The following ADCY10 variants were observed in gnomAD, a reference collection of about 807,000 sequenced individuals.
The protein encoded by ADCY10 is adenylate cyclase type 10.
In ADCY10, 156 loss-of-function variants were observed where a neutral mutation model predicts 183.3. That is an observed-to-expected ratio of 0.85 (90% CI 0.75 to 0.97). The LOEUF is 0.97. Ranked by LOEUF, ADCY10 falls within the 50% of genes least tolerant of loss-of-function variation. ADCY10 has a pLI of 0.00. For synonymous variants in ADCY10, 645 were observed against 670.0 expected (o/e 0.96, Z 0.58); for missense variants, 1,745 against 1,934.3 (o/e 0.90, Z 1.84).
chr1:167,880,615 A>T lies in ADCY10; in HGVS notation c.1021-6T>A, dbSNP rs1311964474. 1 of 1,599,294 alleles carries T rather than the reference A, an allele frequency of 6.3e-7. No homozygotes were observed. ...ACACAGAGGAAAGAGCAGCCCTGTG[A>T]GGGAGAGAGACAGCAACCACAGCTG... On this transcript the variant is annotated splice_region_variant and splice_polypyrimidine_tract_variant and intron_variant, in intron 9 of 32. Coordinates refer to ENST00000367851, the MANE Select transcript of ADCY10 (RefSeq NM_018417.6).
Position 167,818,133 on chromosome 1 carries a change from A to G in ADCY10, c.4421T>C (p.Leu1474Pro). 6.2e-7 allele frequency: 1 copy of G among 1,614,214 alleles called. No individual in the cohort carries two copies. The highest frequency in any genetic ancestry group is 1.6e-4 in the Middle Eastern group (1 of 6,062). The change falls in exon 31 of 33, where the codon CTT (leucine) becomes CCT (proline). Residue 1474 changes from leucine (L) to proline (P), a missense_variant. Physicochemically the swap from Leu to Pro is moderately conservative, Grantham distance 98. Transcript: ENST00000367851. ...SRYMEGQVLH[L>P]QKQIKEQSEN... is the part of the protein sequence containing the mutation. ...TGACTGTTCTTTGATTTGTTTTTGA[A>G]GGTGAAGAACTTGCCCCTCCATGTA...
In ADCY10 at chr1:167,880,354, G is replaced by C. The variant is rs1202306774; in HGVS notation, c.1139+137C>G. On this transcript the variant is annotated intron_variant, in intron 10 of 32. Coordinates refer to ENST00000367851, the MANE Select transcript of ADCY10 (RefSeq NM_018417.6). Reference sequence around the variant, plus strand: ...GCATTTCTACATGGCCCGGAGATGCGAAGGAGGAACAACAGTTTGAGACAC... The same window carrying C: ...GCATTTCTACATGGCCCGGAGATGCCAAGGAGGAACAACAGTTTGAGACAC... 4.2e-6 allele frequency: 4 copies of C among 956,730 alleles called. No homozygotes were observed. The South Asian group carries it at 5.3e-5, about 13-fold the overall frequency. The allele number at this position is 956,730 out of a possible 1,614,324, so 59.3% of individuals were successfully genotyped here. A position where few individuals can be genotyped will look rare whatever the true frequency, so the allele number is the denominator to read the frequency against.
chr1:167,899,646 A>G lies in ADCY10; in HGVS notation c.437-18T>C, dbSNP rs776862558. 15 of 1,612,516 alleles carry G rather than the reference A, an allele frequency of 9.3e-6. No homozygotes were observed. The highest frequency in any genetic ancestry group is 1.2e-5 in the Non-Finnish European group (14 of 1,179,312). ...AGCCAGTCCTGGCAAGAAGGCAAGG[A>G]ATAGGTTTGCACAAGAAGTTCTGGA... On this transcript the variant is annotated intron_variant, in intron 5 of 32. Transcript: ENST00000367851.
At chr1:167,880,659 A>G in intron 9 of ADCY10, 50 bp from the exon 10 acceptor site, 1 of 1,405,150 alleles carries the variant, frequency 7.1e-7, no homozygotes, top group Non-Finnish European at 1.0e-6. Flanking sequence ...TGTGCTTTAA[A>G]CTGGACTGGC....
intron 8 of ADCY10, among the ~76,000 whole-genome samples, chr1:167,887,588 T>C (rs1220612330): frequency 1.3e-5 from 2 of 152,020 alleles, no homozygotes; most frequent in Non-Finnish European, 2.9e-5. Flanking sequence ...GAGATATACC[T>C]AATGTAAAAG....
chr1:167,846,517 T>G (rs1558180144), intron 19 of ADCY10, among the ~76,000 whole-genome samples: 1 of 152,212 alleles, frequency 6.6e-6, no homozygotes, highest in Non-Finnish European at 1.5e-5. Context: ...AAGATCTATT[T>G]CATGGTGTTC....
chr1:167,853,591 C>G (rs776885481), intron 18 of ADCY10, among the ~76,000 whole-genome samples: 1 of 152,124 alleles, frequency 6.6e-6, no homozygotes, highest in Non-Finnish European at 1.5e-5. Context: ...TGGCCCCCAC[C>G]CTTTTCCCTG....
At chr1:167,901,602 C>A (rs558276968) in intron 5 of ADCY10, 60 bp downstream of exon 5, 4 of 1,527,690 alleles carry the variant, frequency 2.6e-6, no homozygotes, top group Admixed American at 3.3e-5. Flanking sequence ...GAGAGAGATG[C>A]CCCAGGAGTC....
chr1:167,813,848 T>C (rs1662361191), intron 31 of ADCY10, among the ~76,000 whole-genome samples: 1 of 152,146 alleles, frequency 6.6e-6, no homozygotes. Context: ...AAAAATGTAA[T>C]TCTGTGACAT....
At chr1:167,855,541 A>T (rs995926632) in intron 17 of ADCY10, among the ~76,000 whole-genome samples, 5 of 152,108 alleles carry the variant, frequency 3.3e-5, no homozygotes, top group Non-Finnish European at 7.3e-5. Flanking sequence ...CTTTCCTGTC[A>T]CTTGCCCATA....
chr1:167,821,610 C>CT (rs1437522154), intron 30 of ADCY10, among the ~76,000 whole-genome samples: 1 of 152,222 alleles, frequency 6.6e-6, no homozygotes, highest in Non-Finnish European at 1.5e-5. Context: ...ACGAAGCCCG[C>CT]TTTCGTGAAG....
intron 18 of ADCY10, among the ~76,000 whole-genome samples, chr1:167,851,415 G>C (rs1232706308): frequency 6.6e-6 from 1 of 152,032 alleles, no homozygotes; most frequent in Non-Finnish European, 1.5e-5. Context: ...TCAAACTCCT[G>C]GGCTCAAGCA....
In ADCY10 at chr1:167,900,363, A is replaced by G. The variant is rs1399863690; in HGVS notation, c.437-735T>C. ...ACACTGATGTTTGGACTTACTCTAAAAAAAGGTGCTGGGACCCACCTCACT... is the reference window on the plus strand; with the variant it reads ...ACACTGATGTTTGGACTTACTCTAAGAAAAGGTGCTGGGACCCACCTCACT... On this transcript the variant is annotated intron_variant, in intron 5 of 32. Transcript: ENST00000367851. Among the ~76,000 whole-genome samples the G allele has an allele frequency of 3.3e-5, 5 of 152,178 alleles. No individual in the cohort carries two copies. The East Asian group carries it at 7.7e-4, about 23-fold the overall frequency.
chr1:167,853,199 T>G (rs953888698), intron 18 of ADCY10, among the ~76,000 whole-genome samples: 2 of 152,220 alleles, frequency 1.3e-5, no homozygotes, highest in African/African-American at 4.8e-5. Context: ...ATACACGTCG[T>G]GCTTATAGCT....
chr1:167,811,065 A>C, intron 31 of ADCY10, 152 bp from the exon 32 acceptor site: 1 of 741,122 alleles, frequency 1.3e-6, no homozygotes, highest in Non-Finnish European at 2.2e-6. Context: ...TAGGTATTGG[A>C]GATAAGACAA....
chr1:167,856,353 G>C lies in ADCY10; in HGVS notation c.1983C>G (p.Ile661Met). 1 of 1,614,086 alleles carries C rather than the reference G, an allele frequency of 6.2e-7. No homozygotes were observed. Among genetic ancestry groups the C allele is most frequent in the Non-Finnish European group, 8.5e-7 (1 of 1,179,980 alleles). ...TAATGATGAAGATAGGAAGAGTCCG[G>C]ATAAGCTTCTCCATAAATCTCCAGG... ...STSWRFMEKLIRTLPIFIIMS... is the reference protein window; with the variant it reads ...STSWRFMEKLMRTLPIFIIMS... The change falls in exon 17 of 33, where the codon ATC becomes ATG. Residue 661 changes from isoleucine (I) to methionine (M), a missense_variant. Coordinates refer to ENST00000367851, the MANE Select transcript of ADCY10 (RefSeq NM_018417.6).
intron 8 of ADCY10, among the ~76,000 whole-genome samples, chr1:167,893,640 G>A (rs1055787507): frequency 1.2e-4 from 16 of 138,148 alleles, no homozygotes; most frequent in African/African-American, 4.3e-4. Context: ...AGGTTGCAGT[G>A]AGCCAAGATC....
Position 167,903,836 on chromosome 1 carries a change from A to T in ADCY10, c.253+51T>A, listed in dbSNP as rs368965848. The T allele has an allele frequency of 8.0e-6, 11 of 1,372,100 alleles. No individual in the cohort carries two copies. The African/African-American group carries it at 1.6e-4, about 20-fold the overall frequency. 85.0% of individuals were successfully genotyped at this position (1,372,100 alleles called of 1,614,324 possible). Reference sequence around the variant, plus strand: ...CAGGTTATAATTGACAACTACGGAAAAAACAATGAATTGAAATATTCTCAA... The same window carrying T: ...CAGGTTATAATTGACAACTACGGAATAAACAATGAATTGAAATATTCTCAA... On this transcript the variant is annotated intron_variant, in intron 3 of 32. Transcript: ENST00000367851.
At chr1:167,874,977 G>A (rs1309737202) in intron 13 of ADCY10, among the ~76,000 whole-genome samples, 154 bp downstream of exon 13, 1 of 152,054 alleles carries the variant, frequency 6.6e-6, no homozygotes, top group African/African-American at 2.4e-5. Flanking sequence ...GAGTAATCCT[G>A]GTGTATTGCT....
Sources: allele counts gnomAD v4.1 joint callset (sites outside exome capture counted in the v4.1 genomes callset), GRCh38; gene constraint gnomAD v4.1.1; transcripts MANE v1.5; gene names NCBI Gene and HGNC (gene_info 2026-07-23, HGNC 2026-07-21).